The following ZFAND4 variants were observed in gnomAD, a reference collection of about 807,000 sequenced individuals.
ZFAND4 encodes the protein zinc finger AN1-type containing 4, also known as AN1-type zinc finger protein 4.
ZFAND4 carries 43 observed loss-of-function variants against 64.4 expected under a neutral mutation model. The ratio of observed to expected loss-of-function variants is 0.67; its 90% CI spans 0.52 to 0.86. ZFAND4 has a LOEUF of 0.86. Among genes scored for constraint, ZFAND4 ranks in the 40% least tolerant of loss-of-function variants. The pLI is 0.00. For synonymous variants in ZFAND4, 296 were observed against 305.7 expected (o/e 0.97, Z 0.33); for missense variants, 929 against 859.8 (o/e 1.08, Z -1.01).
chr10:45,618,283 G>T, intron 8 of ZFAND4, 23 bp from the exon 9 acceptor site: 1 of 1,607,530 alleles, frequency 6.2e-7, no homozygotes, highest in South Asian at 1.1e-5. Flanking sequence ...AGGACACCTT[G>T]ATTAACACAG....
intron 6 of ZFAND4, among the ~76,000 whole-genome samples, chr10:45,628,957 T>C (rs2046029064): frequency 6.9e-6 from 1 of 145,212 alleles, no homozygotes; most frequent in African/African-American, 2.6e-5. Flanking sequence ...GGTTTGCTGA[T>C]GGAACAAAGA....
intron 7 of ZFAND4, among the ~76,000 whole-genome samples, chr10:45,625,331 A>G (rs554201984): frequency 0.1 from 15,517 of 150,056 alleles, 1,136 homozygotes; most frequent in Admixed American, 0.19. Context: ...AAAATTAGCC[A>G]GGCGTGGTGG....
intron 8 of ZFAND4, among the ~76,000 whole-genome samples, chr10:45,621,421 TAA>T (rs537785392): frequency 5.7e-4 from 74 of 128,920 alleles, no homozygotes; most frequent in Middle Eastern, 3.9e-3. Flanking sequence ...GAGGGCTGGT[TAA>T]AAAAAAAAAA....
intron 9 of ZFAND4, among the ~76,000 whole-genome samples, chr10:45,617,127 T>A (rs560193076): frequency 1.3e-5 from 2 of 151,030 alleles, no homozygotes; most frequent in African/African-American, 4.8e-5. Context: ...TAGAACTCTA[T>A]CAGTAGTAAA....
intron 2 of ZFAND4, among the ~76,000 whole-genome samples, chr10:45,656,961 A>G (rs2048164846): frequency 6.6e-6 from 1 of 151,268 alleles, no homozygotes; most frequent in South Asian, 2.1e-4. Context: ...TGAGAAATAA[A>G]CTTCTGTTGT....
intron 3 of ZFAND4, 53 bp downstream of exon 3, chr10:45,652,931 T>C: frequency 7.5e-7 from 1 of 1,335,990 alleles, no homozygotes; most frequent in East Asian, 2.3e-5. Flanking sequence ...CATTAGCATA[T>C]GGAGTCATAA....
intron 5 of ZFAND4, among the ~76,000 whole-genome samples, chr10:45,647,599 T>C (rs923830710): frequency 1.3e-5 from 2 of 152,128 alleles, no homozygotes; most frequent in African/African-American, 4.8e-5. Flanking sequence ...CTGTCATCTA[T>C]TCTCCCAGAG....
intron 2 of ZFAND4, 121 bp downstream of exon 2, chr10:45,663,421 T>C: frequency 1.4e-6 from 1 of 723,204 alleles, no homozygotes; most frequent in Non-Finnish European, 2.2e-6. Flanking sequence ...GGGGGTTCAT[T>C]ATCTTATTCT....
chr10:45,644,296 G>T (rs997769356), intron 5 of ZFAND4, among the ~76,000 whole-genome samples: 1 of 152,158 alleles, frequency 6.6e-6, no homozygotes, highest in African/African-American at 2.4e-5. Flanking sequence ...CAATTAGATA[G>T]CAAAGCATGA....
At chr10:45,622,913 G>GA (rs370834168) in intron 8 of ZFAND4, among the ~76,000 whole-genome samples, 59 of 147,884 alleles carry the variant, frequency 4.0e-4, no homozygotes, top group Non-Finnish European at 4.8e-4. Context: ...TGGTTTCGGG[G>GA]AAAAAAAAAA....
rs2047535591 is a variant in ZFAND4, at chr10:45,648,372, A to G, written c.491T>C (p.Leu164Ser). Residue 164 changes from leucine to serine, a missense_variant, in exon 5 of 10, where the codon TTA (leucine) becomes TCA (serine). By Grantham distance (145) the Leu-to-Ser change is moderately radical. Coordinates refer to ENST00000344646, the MANE Select transcript of ZFAND4 (RefSeq NM_174890.4). ...CTTTGAAGAGTCAGATAACGGTGTT[A>G]AAGTGCCATCTCCCCTATCTACTGC... ...FPAVDRGDGT[L>S]TPLSDSSKKI... is the part of the protein sequence containing the mutation. The G allele has an allele frequency of 1.2e-6, 2 of 1,614,062 alleles. No homozygotes were observed. Among genetic ancestry groups the G allele is most frequent in the Non-Finnish European group, 1.7e-6 (2 of 1,179,960 alleles).
rs1800429419 is a variant in ZFAND4 at position 45,663,616 on chromosome 10, C to T, written c.110G>A (p.Gly37Glu). Residue 37 changes from glycine (G) to glutamate (E), a missense_variant, in exon 2 of 10, where the codon GGA becomes GAA. By Grantham distance (98) the Gly-to-Glu change is moderately conservative. Transcript: ENST00000344646. ...TMELFIETLT[G>E]TCFELRVSPF... ...TGAAACTCTCAGCTCAAAACATGTT[C>T]CAGTTAATGTTTCAATGAAGAGCTC... is the stretch of plus-strand genomic sequence containing the variant. The T allele has an allele frequency of 6.2e-7, 1 of 1,611,002 alleles. No homozygotes were observed. Among genetic ancestry groups the T allele is most frequent in the Non-Finnish European group, 8.5e-7 (1 of 1,179,134 alleles).
At position 45,616,557 on chromosome 10, in the gene ZFAND4, A is replaced by G. The variant is rs376743660; in HGVS notation, c.2063T>C (p.Phe688Ser). The stretch of plus-strand genomic sequence containing the variant: ...TTCTGCATAACGATGAGATGCACAG[A>G]AGTTGTTTCCACATCTAAAGCACAA... ...SSYECRCGNN[F>S]CASHRYAETH... Residue 688 changes from phenylalanine (F) to serine (S), a missense_variant, in exon 10 of 10, where the codon TTC becomes TCC. Phe to Ser is a radical substitution (Grantham distance 155). Coordinates refer to ENST00000344646, the MANE Select transcript of ZFAND4 (RefSeq NM_174890.4). 1 of 1,614,112 alleles carries G rather than the reference A, an allele frequency of 6.2e-7. No individual in the cohort carries two copies. Among genetic ancestry groups the G allele is most frequent in the Admixed American group, 1.7e-5 (1 of 60,008 alleles).
At chr10:45,642,704 C>A (rs1176102200) in intron 5 of ZFAND4, among the ~76,000 whole-genome samples, 1 of 148,830 alleles carries the variant, frequency 6.7e-6, no homozygotes, top group Non-Finnish European at 1.5e-5. Flanking sequence ...CAAAGAACCA[C>A]ATTATTTTGT....
At chr10:45,619,587 C>T (rs1322923259) in intron 8 of ZFAND4, among the ~76,000 whole-genome samples, 6 of 152,064 alleles carry the variant, frequency 3.9e-5, no homozygotes, top group African/African-American at 1.4e-4. Context: ...CTTTTCTCCA[C>T]TACTGAAAAA....
chr10:45,648,510 T>A lies in ZFAND4; in HGVS notation c.353A>T (p.Lys118Met). The A allele has an allele frequency of 1.9e-6, 3 of 1,610,936 alleles. No individual in the cohort carries two copies. The highest frequency in any genetic ancestry group is 1.1e-5 in the South Asian group (1 of 90,326). The change falls in exon 5 of 10, where the codon AAG becomes ATG. Residue 118 changes from lysine (K) to methionine (M), a missense_variant. Coordinates refer to ENST00000344646, the MANE Select transcript of ZFAND4 (RefSeq NM_174890.4). ...ACTGGAATCCAAGTACTCTGCCATC[T>A]TCCTAAGTGGATCGTCTGTAGGAAC... Reference protein sequence around the residue: ...RRVPTDDPLRKMAEYLDSSRV... With the variant: ...RRVPTDDPLRMMAEYLDSSRV...
intron 5 of ZFAND4, among the ~76,000 whole-genome samples, chr10:45,647,993 GA>G (rs915058497): frequency 6.6e-6 from 1 of 151,796 alleles, no homozygotes; most frequent in Non-Finnish European, 1.5e-5. Context: ...GTTAAATTTA[GA>G]AAAAAAGGTA....
chr10:45,671,363 A>G (rs911319671), intron 1 of ZFAND4, among the ~76,000 whole-genome samples: 1 of 152,268 alleles, frequency 6.6e-6, no homozygotes, highest in South Asian at 2.1e-4. Context: ...TCATGCCACT[A>G]TAAAGACACA....
intron 2 of ZFAND4, among the ~76,000 whole-genome samples, chr10:45,654,812 A>G (rs1181431632): frequency 6.6e-6 from 1 of 152,138 alleles, no homozygotes; most frequent in Non-Finnish European, 1.5e-5. Flanking sequence ...AGATATTACA[A>G]TCCTAAATAT....
Sources: gnomAD v4.1 joint callset for allele counts (sites outside exome capture counted in the v4.1 genomes callset) on GRCh38, gnomAD v4.1.1 for gene constraint, MANE v1.5 for transcripts, NCBI Gene and HGNC (gene_info 2026-07-23, HGNC 2026-07-21) for gene names.